IARS1: variants seen among roughly 807,000 people sequenced by gnomAD.
IARS1 encodes isoleucine--tRNA ligase, cytoplasmic.
IARS1 carries 124 observed loss-of-function variants against 168.2 expected under a neutral mutation model. The ratio of observed to expected loss-of-function variants is 0.74; its 90% CI spans 0.64 to 0.86. IARS1 has a LOEUF of 0.86. Ranked by LOEUF, IARS1 falls within the 40% of genes least tolerant of loss-of-function variation. The probability of loss-of-function intolerance (pLI) is 0.00; values close to 1 mark genes in which losing one functional copy is unlikely to be tolerated. For synonymous variants in IARS1, 532 were observed against 529.4 expected (o/e 1.00, Z -0.07); for missense variants, 1,452 against 1,515.8 (o/e 0.96, Z 0.70).
At chr9:92,256,506 T>C in intron 20 of IARS1, 174 bp downstream of exon 20, 1 of 619,376 alleles carries the variant, frequency 1.6e-6, no homozygotes, top group Non-Finnish European at 2.5e-6. Flanking sequence ...CCCCAGGGTC[T>C]TGAAACAAAG....
intron 30 of IARS1, among the ~76,000 whole-genome samples, chr9:92,233,251 T>C (rs1214849735): frequency 2.0e-5 from 3 of 152,262 alleles, no homozygotes; most frequent in Admixed American, 6.5e-5. Context: ...GTCATAATTC[T>C]AGTTACCTTA....
intron 31 of IARS1, among the ~76,000 whole-genome samples, chr9:92,226,563 A>G (rs1049999962): frequency 6.6e-6 from 1 of 152,196 alleles, no homozygotes; most frequent in Non-Finnish European, 1.5e-5. Flanking sequence ...GGGGCTAGGG[A>G]ATAAAAATAA....
chr9:92,284,090 T>G (rs945955149), intron 6 of IARS1, among the ~76,000 whole-genome samples: 13 of 152,076 alleles, frequency 8.5e-5, no homozygotes, highest in Non-Finnish European at 1.5e-4. Context: ...AAAGGGGAGA[T>G]CACTTGAGCC....
intron 27 of IARS1, among the ~76,000 whole-genome samples, chr9:92,243,859 GT>G (rs1369259635): frequency 6.6e-6 from 1 of 152,184 alleles, no homozygotes; most frequent in Non-Finnish European, 1.5e-5. Flanking sequence ...TAAGGTTAAT[GT>G]TTCTATCTCA....
chr9:92,264,801 G>T, intron 16 of IARS1, 128 bp downstream of exon 16: 1 of 789,150 alleles, frequency 1.3e-6, no homozygotes, highest in Non-Finnish European at 2.0e-6. Context: ...GAGAGGGCAG[G>T]AATGTAGCCT....
In IARS1 at chr9:92,247,564, C is replaced by A. The variant is rs574830397; in HGVS notation, c.2617-13G>T. 3.1e-6 allele frequency: 5 copies of A among 1,605,776 alleles called. No homozygotes were observed. The South Asian group carries it at 3.3e-5, about 11-fold the overall frequency. ...GAACATTGAGTTCCTACAGTTAATG[C>A]ACAAGAGGAAACAAAAATGAGAAAT... is the stretch of plus-strand genomic sequence containing the variant. On this transcript the variant is annotated splice_polypyrimidine_tract_variant and intron_variant, in intron 25 of 33. Coordinates refer to ENST00000443024, the MANE Select transcript of IARS1 (RefSeq NM_002161.6).
At chr9:92,272,870 A>AAAAAAAAAAAAC in intron 10 of IARS1, among the ~76,000 whole-genome samples, 1 of 146,862 alleles carries the variant, frequency 6.8e-6, no homozygotes, top group African/African-American at 2.6e-5. Flanking sequence ...AAAACAAAAA[A>AAAAAAAAAAAAC]AAAAAAAAAA....
chr9:92,277,604 G>A (rs1833944534), intron 9 of IARS1, among the ~76,000 whole-genome samples: 1 of 151,716 alleles, frequency 6.6e-6, no homozygotes, highest in South Asian at 2.1e-4. Context: ...GAGCCCAAGA[G>A]GTCGAGGTTG....
At chr9:92,254,067 A>G (rs1830393559) in intron 20 of IARS1, among the ~76,000 whole-genome samples, 2 of 152,232 alleles carry the variant, frequency 1.3e-5, no homozygotes, top group Admixed American at 6.5e-5. Flanking sequence ...GCCCCACCAC[A>G]GAGGATGACC....
chr9:92,259,142 T>C (rs926401364), intron 18 of IARS1, 144 bp from the exon 19 acceptor site: 5 of 735,676 alleles, frequency 6.8e-6, no homozygotes, highest in Non-Finnish European at 8.5e-6. Flanking sequence ...GAGTGGTCAA[T>C]TTAAAACTCA....
intron 30 of IARS1, among the ~76,000 whole-genome samples, chr9:92,236,644 T>C (rs964627786): frequency 5.9e-5 from 9 of 152,142 alleles, no homozygotes; most frequent in African/African-American, 2.2e-4. Flanking sequence ...GGCCAGGAGT[T>C]TGAGACCAGA....
At chr9:92,214,111 C>G (rs150250894) in intron 33 of IARS1, among the ~76,000 whole-genome samples, 1 of 151,894 alleles carries the variant, frequency 6.6e-6, no homozygotes, top group African/African-American at 2.4e-5. Flanking sequence ...TAACATTCTC[C>G]CTATGGTCCA....
chr9:92,241,414 C>T (rs925879785), intron 29 of IARS1, among the ~76,000 whole-genome samples: 1 of 152,074 alleles, frequency 6.6e-6, no homozygotes, highest in African/African-American at 2.4e-5. Flanking sequence ...GATGCAATCT[C>T]GGCTCACTGC....
chr9:92,231,539 G>A (rs956730459), intron 30 of IARS1, among the ~76,000 whole-genome samples: 2 of 149,610 alleles, frequency 1.3e-5, no homozygotes, highest in African/African-American at 4.9e-5. Context: ...TCAGCCTCTC[G>A]AGTAGCTGGG....
At chr9:92,217,258 A>G (rs1452081793) in intron 33 of IARS1, among the ~76,000 whole-genome samples, 2 of 151,390 alleles carry the variant, frequency 1.3e-5, no homozygotes, top group African/African-American at 4.9e-5. Context: ...AGAATCTCTG[A>G]GACGCATTCA....
At chr9:92,262,721 A>G (rs974311886) in intron 17 of IARS1, among the ~76,000 whole-genome samples, 1 of 152,234 alleles carries the variant, frequency 6.6e-6, no homozygotes, top group Admixed American at 6.5e-5. Flanking sequence ...TAAAGTGCTA[A>G]GTTTAGTAAA....
chr9:92,292,177 TCA>T (rs1417309776), intron 1 of IARS1, among the ~76,000 whole-genome samples: 5 of 128,484 alleles, frequency 3.9e-5, no homozygotes, highest in African/African-American at 1.8e-4. Flanking sequence ...ACCACCACAC[TCA>T]GCTTTTTTTT....
intron 6 of IARS1, among the ~76,000 whole-genome samples, chr9:92,284,196 A>T (rs192748756): frequency 1.3e-5 from 2 of 152,206 alleles, no homozygotes; most frequent in Non-Finnish European, 2.9e-5. Flanking sequence ...AACAACAACA[A>T]AAAGGTAACT....
At chr9:92,272,853 ACAAAAC>A (rs1833254380) in intron 10 of IARS1, among the ~76,000 whole-genome samples, 1 of 97,390 alleles carries the variant, frequency 1.0e-5, no homozygotes, top group Non-Finnish European at 2.0e-5. Flanking sequence ...TCTGTCTCAA[ACAAAAC>A]AAAACAAAAA....
Sources: allele counts gnomAD v4.1 joint callset (sites outside exome capture counted in the v4.1 genomes callset), GRCh38; gene constraint gnomAD v4.1.1; transcripts MANE v1.5; gene names NCBI Gene and HGNC (gene_info 2026-07-23, HGNC 2026-07-21).